RPN1: variants seen among roughly 807,000 people sequenced by gnomAD.
RPN1 encodes the protein dolichyl-diphosphooligosaccharide--protein glycosyltransferase subunit 1.
A neutral mutation model predicts 55.5 loss-of-function variants in RPN1; 12 were observed. The observed-to-expected ratio is 0.22, with a 90% confidence interval of 0.14 to 0.35. The LOEUF (loss-of-function observed/expected upper bound fraction) is 0.35. Ranked by LOEUF, RPN1 falls within the 10% of genes least tolerant of loss-of-function variation. RPN1 has a pLI of 1.00. For missense variants in RPN1, 679 were observed against 761.3 expected, an observed-to-expected ratio of 0.89 and a Z score of 1.27; for synonymous variants, 317 against 305.9, an observed-to-expected ratio of 1.04 and a Z score of -0.38.
At chr3:128,644,534 C>A in intron 2 of RPN1, 2 of 428,064 alleles carry the variant, frequency 4.7e-6, no homozygotes, top group Non-Finnish European at 9.0e-6. Context: ...GTGGTACATA[C>A]CTCTAGTCCC....
chr3:128,644,864 C>A, intron 2 of RPN1, 55 bp downstream of exon 2: 1 of 1,004,266 alleles, frequency 1.0e-6, no homozygotes, highest in Admixed American at 1.7e-5. Context: ...CCCATATGAT[C>A]CCAACCCTGA....
intron 8 of RPN1, among the ~76,000 whole-genome samples, chr3:128,623,221 A>G (rs975901590): frequency 6.6e-6 from 1 of 152,194 alleles, no homozygotes; most frequent in African/African-American, 2.4e-5. Flanking sequence ...CCTGGGTAAC[A>G]TAATGAGACT....
chr3:128,634,563 C>CTTTTTT (rs374113354), intron 3 of RPN1, among the ~76,000 whole-genome samples: 1 of 135,646 alleles, frequency 7.4e-6, no homozygotes, highest in African/African-American at 2.7e-5. Context: ...CTCCATAAAC[C>CTTTTTT]TTTTTTTTTT....
chr3:128,628,361 C>G (rs79442528), intron 5 of RPN1, among the ~76,000 whole-genome samples: 1 of 3,490 alleles, frequency 2.9e-4, no homozygotes, highest in Non-Finnish European at 7.0e-4. Flanking sequence ...ATAAAAGAGG[C>G]ATTTTAGGAA....
intron 2 of RPN1, among the ~76,000 whole-genome samples, chr3:128,643,943 A>C (rs2069747684): frequency 6.6e-6 from 1 of 152,148 alleles, no homozygotes; most frequent in South Asian, 2.1e-4. Flanking sequence ...AAATAATAAT[A>C]ATAATAACTA....
intron 3 of RPN1, among the ~76,000 whole-genome samples, chr3:128,636,903 T>G (rs1160508445): frequency 6.6e-6 from 1 of 152,072 alleles, no homozygotes; most frequent in East Asian, 1.9e-4. Flanking sequence ...GGTATAGAAG[T>G]AGGTAAAAAG....
At position 128,632,173 on chromosome 3, in the gene RPN1, CAAAT is replaced by C. The variant is rs760148817; in HGVS notation, c.634-20_634-17del. ...TAAAAGTATCCTGGAAGGAAGGAAA[CAAAT>C]AGTTCAAAGTTTTGGCAACAGAGAA... is the stretch of plus-strand genomic sequence containing the variant. On this transcript the variant is annotated splice_polypyrimidine_tract_variant and intron_variant, in intron 3 of 9. Coordinates refer to ENST00000296255, the MANE Select transcript of RPN1 (RefSeq NM_002950.4). 3.8e-5 allele frequency: 62 copies of C among 1,613,122 alleles called. No homozygotes were observed. The highest frequency in any genetic ancestry group is 3.3e-4 in the Admixed American group (20 of 59,988).
At chr3:128,623,852 C>T (rs549915076) in intron 8 of RPN1, among the ~76,000 whole-genome samples, 2 of 152,256 alleles carry the variant, frequency 1.3e-5, no homozygotes, top group East Asian at 3.9e-4. Flanking sequence ...GGCAACATTA[C>T]ATTTCCTGAA....
intron 1 of RPN1, among the ~76,000 whole-genome samples, chr3:128,646,460 C>T (rs1002702135): frequency 2.6e-5 from 4 of 151,546 alleles, no homozygotes; most frequent in South Asian, 2.1e-4. Context: ...AGGAGGGGTG[C>T]GGATCACCTG....
chr3:128,626,139 C>G, intron 6 of RPN1, 127 bp from the exon 7 acceptor site: 1 of 908,684 alleles, frequency 1.1e-6, no homozygotes. Context: ...CCACTCTGCT[C>G]CCTTCTCAGC....
At chr3:128,646,876 G>A (rs1019706519) in intron 1 of RPN1, among the ~76,000 whole-genome samples, 7 of 151,890 alleles carry the variant, frequency 4.6e-5, no homozygotes, top group African/African-American at 1.4e-4. Flanking sequence ...GGGAGGCTGA[G>A]GCAGGAGAAT....
At chr3:128,646,404 C>A (rs1211781350) in intron 1 of RPN1, among the ~76,000 whole-genome samples, 1 of 151,702 alleles carries the variant, frequency 6.6e-6, no homozygotes, top group Non-Finnish European at 1.5e-5. Context: ...TAAAACTGGG[C>A]AGGCATGGTG....
Position 128,635,126 on chromosome 3 carries a change from C to G in RPN1, c.633+2673G>C, listed in dbSNP as rs551524576. Among the ~76,000 whole-genome samples the G allele has an allele frequency of 4.6e-5, 7 of 152,104 alleles. No homozygotes were observed. The South Asian group carries it at 1.2e-3, about 27-fold the overall frequency. ...GACCCTCTCTCTCCCCAAAAACAAC[C>G]CCACCGTGCAACAATATACATAGGG... On this transcript the variant is annotated intron_variant, in intron 3 of 9. Transcript: ENST00000296255.
chr3:128,623,549 C>A (rs149992934), intron 8 of RPN1, among the ~76,000 whole-genome samples: 1 of 91,210 alleles, frequency 1.1e-5, no homozygotes, highest in Non-Finnish European at 2.4e-5. Context: ...AGAAAAAAAA[C>A]ATTTTTTTAA....
At chr3:128,638,454 T>G (rs1009450420) in intron 2 of RPN1, among the ~76,000 whole-genome samples, 2 of 152,184 alleles carry the variant, frequency 1.3e-5, no homozygotes, top group African/African-American at 4.8e-5. Context: ...GAGAAACAGC[T>G]ACATATCTGT....
At chr3:128,622,972 G>A (rs1027788733) in intron 8 of RPN1, among the ~76,000 whole-genome samples, 7 of 151,890 alleles carry the variant, frequency 4.6e-5, no homozygotes, top group Admixed American at 3.3e-4. Flanking sequence ...TGTGAACAAG[G>A]ATGATAATGT....
At chr3:128,624,834 CA>C (rs368653462) in intron 8 of RPN1, among the ~76,000 whole-genome samples, 13 of 144,776 alleles carry the variant, frequency 9.0e-5, no homozygotes, top group East Asian at 2.0e-4. Flanking sequence ...GACTCCATCT[CA>C]AAAAAAAAAA....
At position 128,620,733 on chromosome 3, in the gene RPN1, G is replaced by A. The variant is rs2069552808; in HGVS notation, c.1642-140C>T. On this transcript the variant is annotated intron_variant, in intron 9 of 9. Transcript: ENST00000296255. Reference sequence around the variant, plus strand: ...TGCAGCCAACAGCACAGTGTCCCAGGGCAGCAGGGCTGGCTATGGAGGAAG... The same window carrying A: ...TGCAGCCAACAGCACAGTGTCCCAGAGCAGCAGGGCTGGCTATGGAGGAAG... 3 of 879,082 alleles carry A rather than the reference G, an allele frequency of 3.4e-6. No individual in the cohort carries two copies. In the East Asian group the frequency reaches 7.8e-5, roughly 23 times the overall value. 54.5% of individuals were successfully genotyped at this position (879,082 alleles called of 1,614,324 possible).
chr3:128,622,063 G>T, intron 9 of RPN1, 101 bp downstream of exon 9: 1 of 1,157,822 alleles, frequency 8.6e-7, no homozygotes, highest in Non-Finnish European at 1.2e-6. Context: ...TATCCCACAA[G>T]CATGCAGGTA....
Sources: gnomAD v4.1 joint callset for allele counts (sites outside exome capture counted in the v4.1 genomes callset) on GRCh38, gnomAD v4.1.1 for gene constraint, MANE v1.5 for transcripts, NCBI Gene and HGNC (gene_info 2026-07-23, HGNC 2026-07-21) for gene names.